Variants in PCOLCE observed in about 807,000 individuals in gnomAD.
PCOLCE encodes the protein procollagen C-endopeptidase enhancer.
In PCOLCE, 33 loss-of-function variants were observed where a neutral mutation model predicts 47.2. That is an observed-to-expected ratio of 0.70 (90% CI 0.53 to 0.93). The LOEUF is 0.93. Among genes scored for constraint, PCOLCE ranks in the 40% least tolerant of loss-of-function variants. PCOLCE has a pLI of 0.00. For missense variants in PCOLCE, 584 were observed against 585.3 expected, an observed-to-expected ratio of 1.00 and a Z score of 0.02; for synonymous variants, 254 against 252.5, an observed-to-expected ratio of 1.01 and a Z score of -0.06.
rs1334640308 is a variant in PCOLCE at position 100,604,024 on chromosome 7, C to T, written c.270C>T (p.Cys90=). 1 of 1,606,456 alleles carries T rather than the reference C, an allele frequency of 6.2e-7. No homozygotes were observed. The highest frequency in any genetic ancestry group is 2.2e-5 in the East Asian group (1 of 44,872). The change falls in exon 3 of 9, where the codon TGC becomes TGT. Residue 90 remains cysteine, a synonymous_variant. Coordinates refer to ENST00000223061, the MANE Select transcript of PCOLCE (RefSeq NM_002593.4). The surrounding 1 kb of genome is among the most constrained non-coding windows in gnomAD (Gnocchi z 6.4). ...TCGACCTGGAGCTGCACCCCGCCTG[C>T]CGCTACGATGCTCTGGAGGTCTTCG... ...RVFDLELHPA[C]RYDALEVFAG...
At chr7:100,602,598 C>G (rs776667436) in intron 1 of PCOLCE, 47 bp downstream of exon 1, 1 of 1,230,790 alleles carries the variant, frequency 8.1e-7, no homozygotes, top group Admixed American at 1.7e-5. Flanking sequence ...ACTTCAGACC[C>G]CCGATTCCTT....
rs138588201 is a variant in PCOLCE, at chr7:100,607,482, G to A, written c.971G>A (p.Arg324Gln). 26 of 1,613,832 alleles carry A rather than the reference G, an allele frequency of 1.6e-5. No individual in the cohort carries two copies. Among genetic ancestry groups the A allele is most frequent in the African/African-American group, 2.7e-5 (2 of 74,814 alleles). Residue 324 changes from arginine to glutamine, a missense_variant, in exon 7 of 9, where the codon CGG becomes CAG. By Grantham distance (43) the Arg-to-Gln change is conservative. Transcript: ENST00000223061. ...DAPTCPKQCR[R>Q]TGTLQSNFCA... is the part of the protein sequence containing the mutation. Reference sequence around the variant, plus strand: ...CCCACCTGCCCAAAGCAGTGCCGCCGGACAGGCACCTTGCAGAGCAACTTC... The same window carrying A: ...CCCACCTGCCCAAAGCAGTGCCGCCAGACAGGCACCTTGCAGAGCAACTTC...
At position 100,604,584 on chromosome 7, in the gene PCOLCE, T is replaced by G; in HGVS notation, c.463+367T>G. 3.2e-5 allele frequency: 12 copies of G among 376,652 alleles called. No homozygotes were observed. Among genetic ancestry groups the G allele is most frequent in the Non-Finnish European group, 5.0e-5 (10 of 199,604 alleles). 23.3% of individuals were successfully genotyped at this position (376,652 alleles called of 1,614,324 possible). A position where few individuals can be genotyped will look rare whatever the true frequency, so the allele number is the denominator to read the frequency against. ...GCACCCCAGGGCTGGGGGGACTAGG[T>G]TCCTCCAACCCCGGGGGGCCCCTAC... On this transcript the variant is annotated intron_variant, in intron 3 of 8. Coordinates refer to ENST00000223061, the MANE Select transcript of PCOLCE (RefSeq NM_002593.4). The surrounding 1 kb of genome is among the most constrained non-coding windows in gnomAD (Gnocchi z 6.4).
chr7:100,603,178 G>A (rs1169296016), intron 1 of PCOLCE: 5 of 394,240 alleles, frequency 1.3e-5, no homozygotes, highest in Non-Finnish European at 2.2e-5. Flanking sequence ...TGTTGGGGTG[G>A]GGGTGGGGAC....
In PCOLCE at chr7:100,604,175, G is replaced by A. The variant is rs574137629; in HGVS notation, c.421G>A (p.Gly141Ser). 1.2e-6 allele frequency: 2 copies of A among 1,613,272 alleles called. No homozygotes were observed. The highest frequency in any genetic ancestry group is 2.2e-5 in the East Asian group (1 of 44,856). Residue 141 changes from glycine (G) to serine (S), a missense_variant, in exon 3 of 9, where the codon GGC becomes AGC. By Grantham distance (56) the Gly-to-Ser change is moderately conservative. Transcript: ENST00000223061. The surrounding 1 kb of genome is among the most constrained non-coding windows in gnomAD (Gnocchi z 6.4). ...GACGGATGAGGGCACAGGAGGACGA[G>A]GCTTCCTGCTCTGGTACAGCGGGCG... is the stretch of plus-strand genomic sequence containing the variant. ...MTTDEGTGGRGFLLWYSGRAT... is the reference protein window; with the variant it reads ...MTTDEGTGGRSFLLWYSGRAT...
In PCOLCE at chr7:100,602,380, C is replaced by T. The variant is rs1802624391; in HGVS notation, c.-77C>T. On this transcript the variant is annotated 5_prime_UTR_variant, in exon 1 of 9. Transcript: ENST00000223061. ...CTGGCGCTGATTATCCTGCTGCTGC[C>T]GCCACCGCTGCTGCTGCTCTGCAAA... The T allele has an allele frequency of 7.3e-6, 7 of 957,010 alleles. No homozygotes were observed. The highest frequency in any genetic ancestry group is 3.4e-5 in the Admixed American group (2 of 58,602). 59.3% of individuals were successfully genotyped at this position (957,010 alleles called of 1,614,324 possible).
chr7:100,607,553 C>G, intron 7 of PCOLCE, 30 bp downstream of exon 7: 1 of 1,611,428 alleles, frequency 6.2e-7, no homozygotes, highest in Non-Finnish European at 8.5e-7. Context: ...CATTCCAGCT[C>G]CTCGAACCAC....
chr7:100,605,957 C>G lies in PCOLCE; in HGVS notation c.725+145C>G. On this transcript the variant is annotated intron_variant, in intron 5 of 8. Coordinates refer to ENST00000223061, the MANE Select transcript of PCOLCE (RefSeq NM_002593.4). This position sits in a 1 kb window ranked among gnomAD's most constrained non-coding sequence, Gnocchi z 6.1. The stretch of plus-strand genomic sequence containing the variant: ...CGAGGGGAGCAGGTTGGAGGCCAGG[C>G]AAAGAGGAGATTTGGCCCCGGGTCT... 1.1e-6 allele frequency: 1 copy of G among 945,636 alleles called. No homozygotes were observed. Among genetic ancestry groups the G allele is most frequent in the South Asian group, 1.7e-5 (1 of 57,718 alleles). The allele number at this position is 945,636 out of a possible 1,614,324, so 58.6% of individuals were successfully genotyped here.
In PCOLCE at chr7:100,604,517, G is replaced by T; in HGVS notation, c.463+300G>T. ...TTACTGGGACGGTGAGTAACTGCCG[G>T]CCCCCGTCCGCAATCGGGCTCCCTC... On this transcript the variant is annotated intron_variant, in intron 3 of 8. Transcript: ENST00000223061. The surrounding 1 kb of genome is among the most constrained non-coding windows in gnomAD (Gnocchi z 6.4). 2.0e-6 allele frequency: 1 copy of T among 494,886 alleles called. No individual in the cohort carries two copies. Among genetic ancestry groups the T allele is most frequent in the Middle Eastern group, 3.8e-4 (1 of 2,664 alleles). The allele number at this position is 494,886 out of a possible 1,614,324, so 30.7% of individuals were successfully genotyped here.
In PCOLCE at chr7:100,604,628, G is replaced by A; in HGVS notation, c.463+411G>A. On this transcript the variant is annotated intron_variant, in intron 3 of 8. Coordinates refer to ENST00000223061, the MANE Select transcript of PCOLCE (RefSeq NM_002593.4). This position sits in a 1 kb window ranked among gnomAD's most constrained non-coding sequence, Gnocchi z 6.4. ...CCCCTACACCCAGCCCTGGGCTCCCGATTGCGGTCCCATCACCCCCTCCTG... is the reference window on the plus strand; with the variant it reads ...CCCCTACACCCAGCCCTGGGCTCCCAATTGCGGTCCCATCACCCCCTCCTG... 3.0e-6 allele frequency: 1 copy of A among 330,210 alleles called. No individual in the cohort carries two copies. The highest frequency in any genetic ancestry group is 5.8e-6 in the Non-Finnish European group (1 of 173,850). 20.5% of individuals were successfully genotyped at this position (330,210 alleles called of 1,614,324 possible). A position where few individuals can be genotyped will look rare whatever the true frequency, so the allele number is the denominator to read the frequency against.
At position 100,608,134 on chromosome 7, in the gene PCOLCE, A is replaced by C. The variant is rs571779503; in HGVS notation, c.*31A>C. Reference sequence around the variant, plus strand: ...AGGCCAGCCCCGGCCCCTAGCCCTCAGGCCTTCTTTCTTATCCAAATAAAT... The same window carrying C: ...AGGCCAGCCCCGGCCCCTAGCCCTCCGGCCTTCTTTCTTATCCAAATAAAT... On this transcript the variant is annotated 3_prime_UTR_variant, in exon 9 of 9. Coordinates refer to ENST00000223061, the MANE Select transcript of PCOLCE (RefSeq NM_002593.4). The C allele has an allele frequency of 1.9e-6, 3 of 1,593,450 alleles. No individual in the cohort carries two copies. Among genetic ancestry groups the C allele is most frequent in the East Asian group, 4.5e-5 (2 of 44,710 alleles).
chr7:100,605,337 C>A lies in PCOLCE; in HGVS notation c.588+122C>A. 1.0e-6 allele frequency: 1 copy of A among 970,160 alleles called. No homozygotes were observed. The highest frequency in any genetic ancestry group is 1.5e-6 in the Non-Finnish European group (1 of 659,736). 60.1% of individuals were successfully genotyped at this position (970,160 alleles called of 1,614,324 possible). On this transcript the variant is annotated intron_variant, in intron 4 of 8. Transcript: ENST00000223061. The surrounding 1 kb of genome is among the most constrained non-coding windows in gnomAD (Gnocchi z 6.1). ...GCACTGCGCTTGCGCTGGTGGGCAC[C>A]CAAAACAGCCCCAACCCCTGCATGC...
At chr7:100,602,668 C>T (rs1802631673) in intron 1 of PCOLCE, 117 bp downstream of exon 1, 1 of 710,442 alleles carries the variant, frequency 1.4e-6, no homozygotes, top group Non-Finnish European at 2.5e-6. Flanking sequence ...CCCAGATTCC[C>T]CACCGCCTCA....
rs1802709887 is a variant in PCOLCE, at chr7:100,605,984, G to T, written c.725+172G>T. Among the ~76,000 whole-genome samples, 1 of 152,184 alleles carries T rather than the reference G, an allele frequency of 6.6e-6. No individual in the cohort carries two copies. The highest frequency in any genetic ancestry group is 2.4e-5 in the African/African-American group (1 of 41,452). On this transcript the variant is annotated intron_variant, in intron 5 of 8. Transcript: ENST00000223061. The surrounding 1 kb of genome is among the most constrained non-coding windows in gnomAD (Gnocchi z 6.1). ...AAGAGGAGATTTGGCCCCGGGTCTGGGGTCCGCGGATAGAGAGGCGACTGG... is the reference window on the plus strand; with the variant it reads ...AAGAGGAGATTTGGCCCCGGGTCTGTGGTCCGCGGATAGAGAGGCGACTGG...
chr7:100,604,183 G>A lies in PCOLCE; in HGVS notation c.429G>A (p.Leu143=), dbSNP rs542112712. ...AGGGCACAGGAGGACGAGGCTTCCTGCTCTGGTACAGCGGGCGGGCCACCT... is the reference window on the plus strand; with the variant it reads ...AGGGCACAGGAGGACGAGGCTTCCTACTCTGGTACAGCGGGCGGGCCACCT... ...TDEGTGGRGF[L]LWYSGRATSG... is the part of the protein sequence containing the mutation. The change falls in exon 3 of 9, where the codon CTG becomes CTA. Residue 143 remains leucine, a synonymous_variant. Coordinates refer to ENST00000223061, the MANE Select transcript of PCOLCE (RefSeq NM_002593.4). The surrounding 1 kb of genome is among the most constrained non-coding windows in gnomAD (Gnocchi z 6.4). 4 of 1,613,036 alleles carry A rather than the reference G, an allele frequency of 2.5e-6. No individual in the cohort carries two copies. The highest frequency in any genetic ancestry group is 2.2e-5 in the East Asian group (1 of 44,850).
intron 6 of PCOLCE, among the ~76,000 whole-genome samples, chr7:100,607,044 T>C (rs1278426301): frequency 6.7e-6 from 1 of 148,668 alleles, no homozygotes; most frequent in African/African-American, 2.5e-5. Flanking sequence ...TGAGCCGAGA[T>C]TGTGCCACTG....
Position 100,607,818 on chromosome 7 carries a change from T to A in PCOLCE, c.1183+11T>A. On this transcript the variant is annotated intron_variant, in intron 8 of 8. Transcript: ENST00000223061. Reference sequence around the variant, plus strand: ...CCCCCATGAAGAAAGGTAACAGAGATGTGGGGAAATGGGGATGGGTCAAGC... The same window carrying A: ...CCCCCATGAAGAAAGGTAACAGAGAAGTGGGGAAATGGGGATGGGTCAAGC... 6.2e-7 allele frequency: 1 copy of A among 1,613,952 alleles called. No individual in the cohort carries two copies. Among genetic ancestry groups the A allele is most frequent in the Non-Finnish European group, 8.5e-7 (1 of 1,179,952 alleles).
chr7:100,604,132 G>T lies in PCOLCE; in HGVS notation c.378G>T (p.Gln126His). The part of the protein sequence containing the change: ...RPAPLVAPGN[Q>H]VTLRMTTDEG... ...CGCCCCTAGTCGCCCCCGGCAACCAGGTGACCCTGAGGATGACGACGGATG... is the reference window on the plus strand; with the variant it reads ...CGCCCCTAGTCGCCCCCGGCAACCATGTGACCCTGAGGATGACGACGGATG... Residue 126 changes from glutamine to histidine, a missense_variant, in exon 3 of 9, where the codon CAG (glutamine) becomes CAT (histidine). Physicochemically the swap from Gln to His is conservative, Grantham distance 24 (BLOSUM62 0). Transcript: ENST00000223061. This position sits in a 1 kb window ranked among gnomAD's most constrained non-coding sequence, Gnocchi z 6.4. 1 of 1,612,942 alleles carries T rather than the reference G, an allele frequency of 6.2e-7. No homozygotes were observed. The highest frequency in any genetic ancestry group is 8.5e-7 in the Non-Finnish European group (1 of 1,179,990).
Position 100,607,922 on chromosome 7 carries a change from CCCT to C in PCOLCE, c.1184-11_1184-9del. 1.2e-6 allele frequency: 2 copies of C among 1,614,026 alleles called. No homozygotes were observed. The highest frequency in any genetic ancestry group is 1.7e-6 in the Non-Finnish European group (2 of 1,179,922). ...TCAAGAATAAGAGATCTCAACCCCT[CCCT>C]CCTTCTTCCAGGAGTCAGTTATCTG... On this transcript the variant is annotated splice_polypyrimidine_tract_variant and intron_variant, in intron 8 of 8. Transcript: ENST00000223061.
Sources: allele counts gnomAD v4.1 joint callset (sites outside exome capture counted in the v4.1 genomes callset), GRCh38; gene constraint gnomAD v4.1.1; non-coding constraint Gnocchi (gnomAD v3.1); transcripts MANE v1.5; gene names NCBI Gene and HGNC (gene_info 2026-07-23, HGNC 2026-07-21).